Variants in VCPKMT observed in about 807,000 individuals in gnomAD.
The protein encoded by VCPKMT is protein N-lysine methyltransferase METTL21D.
VCPKMT carries 32 observed loss-of-function variants against 28.6 expected under a neutral mutation model. That is an observed-to-expected ratio of 1.12 (90% CI 0.84 to 1.50). VCPKMT has a LOEUF of 1.50. Ranked by LOEUF, VCPKMT falls within the 40% of genes most tolerant of loss-of-function variation. The probability of loss-of-function intolerance (pLI) is 0.00; values close to 1 mark genes in which losing one functional copy is unlikely to be tolerated. For missense variants in VCPKMT, 366 were observed against 285.0 expected, an observed-to-expected ratio of 1.28 and a Z score of -2.05; for synonymous variants, 138 against 111.4, an observed-to-expected ratio of 1.24 and a Z score of -1.50.
chr14:50,113,897 C>T (rs1311157281), intron 4 of VCPKMT, among the ~76,000 whole-genome samples: 1 of 146,118 alleles, frequency 6.8e-6, no homozygotes, highest in Non-Finnish European at 1.5e-5. Flanking sequence ...GCATGGGCTA[C>T]AGGGTGAAAC....
At chr14:50,112,477 A>G (rs540914336) in intron 5 of VCPKMT, 138 bp downstream of exon 5, 4 of 538,532 alleles carry the variant, frequency 7.4e-6, no homozygotes, top group Admixed American at 4.0e-5. Flanking sequence ...TTGACAATGA[A>G]GTTACTGCCT....
chr14:50,116,191 C>A lies in VCPKMT; in HGVS notation c.267-12G>T. 1.2e-6 allele frequency: 2 copies of A among 1,613,940 alleles called. No homozygotes were observed. The highest frequency in any genetic ancestry group is 1.7e-6 in the Non-Finnish European group (2 of 1,179,996). ...CTACAACATCAGCCCTATAAAATAA[C>A]GTCGACTGAGGTGTAGGCACAGGGG... On this transcript the variant is annotated splice_polypyrimidine_tract_variant and intron_variant, in intron 1 of 5. Transcript: ENST00000395860.
chr14:50,115,400 C>T (rs4536369), intron 3 of VCPKMT, among the ~76,000 whole-genome samples: 131,737 of 152,172 alleles, frequency 0.87, 57,125 homozygotes, highest in East Asian at 0.92. Context: ...GAGCCACCTG[C>T]CTTGACCTCC....
downstream of VCPKMT, among the ~76,000 whole-genome samples, chr14:50,105,351 C>G (rs77027208): frequency 0.011 from 1,666 of 152,272 alleles, 30 homozygotes; most frequent in African/African-American, 0.037. Flanking sequence ...ATAACCTAGG[C>G]CAGGTGCAGT....
At chr14:50,110,221 T>C (rs984152473) in intron 5 of VCPKMT, among the ~76,000 whole-genome samples, 2 of 152,194 alleles carry the variant, frequency 1.3e-5, no homozygotes, top group Admixed American at 1.3e-4. Flanking sequence ...CACTCCAGAC[T>C]GGGTGACAGT....
downstream of VCPKMT, chr14:50,106,519 A>G (rs1882326169): frequency 1.0e-6 from 1 of 981,060 alleles, no homozygotes; most frequent in Admixed American, 6.2e-5. Context: ...CCCTCAATTC[A>G]TGCATCATTT....
At chr14:50,116,260 A>G in intron 1 of VCPKMT, 27 bp downstream of exon 1, 1 of 1,607,472 alleles carries the variant, frequency 6.2e-7, no homozygotes, top group Non-Finnish European at 8.5e-7. Context: ...AGGCGCCCCC[A>G]CATCCCGCCC....
chr14:50,110,936 G>C (rs1882607959), intron 5 of VCPKMT, among the ~76,000 whole-genome samples: 1 of 152,026 alleles, frequency 6.6e-6, no homozygotes, highest in African/African-American at 2.4e-5. Context: ...TGTTACATAT[G>C]ACATGTGCAG....
chr14:50,110,392 C>T (rs1237032947), intron 5 of VCPKMT, among the ~76,000 whole-genome samples: 1 of 152,170 alleles, frequency 6.6e-6, no homozygotes, highest in Non-Finnish European at 1.5e-5. Context: ...GGAACTCTCA[C>T]AACTCAAAGT....
chr14:50,108,568 T>C, downstream of VCPKMT: 1 of 977,684 alleles, frequency 1.0e-6, no homozygotes, highest in South Asian at 4.7e-5. Context: ...ATAGGGCTGC[T>C]TTTGCTCCTG....
At chr14:50,110,550 T>C (rs1450014111) in intron 5 of VCPKMT, among the ~76,000 whole-genome samples, 1 of 152,160 alleles carries the variant, frequency 6.6e-6, no homozygotes, top group African/African-American at 2.4e-5. Context: ...TTAACAAATG[T>C]TGGTAAAAAT....
intron 5 of VCPKMT, chr14:50,111,790 G>T: frequency 1.5e-6 from 1 of 657,114 alleles, no homozygotes; most frequent in Non-Finnish European, 1.9e-6. Flanking sequence ...GGAGGCTGAG[G>T]TGGGAGGATC....
downstream of VCPKMT, chr14:50,106,545 T>G (rs1261769637): frequency 1.0e-6 from 1 of 985,030 alleles, no homozygotes; most frequent in Non-Finnish European, 1.2e-6. Context: ...GCTGGCAGAG[T>G]GCATCTTCAA....
downstream of VCPKMT, among the ~76,000 whole-genome samples, chr14:50,104,302 A>G (rs1039137347): frequency 1.3e-5 from 2 of 152,232 alleles, no homozygotes; most frequent in African/African-American, 4.8e-5. Context: ...ACAGAACTTC[A>G]CCAACACATA....
rs1227548487 is a variant in VCPKMT, at chr14:50,109,733, A to C, written c.676-20T>G. The C allele has an allele frequency of 3.1e-6, 5 of 1,593,892 alleles. No individual in the cohort carries two copies. The Admixed American group carries it at 8.7e-5, about 28-fold the overall frequency. On this transcript the variant is annotated intron_variant, in intron 5 of 5. Coordinates refer to ENST00000395860, the MANE Select transcript of VCPKMT (RefSeq NM_024558.3). ...AAATTTCTATAACAAAAAAAAAGGA[A>C]ACTTAAAAGATTGATTTACCACAAA... is the stretch of plus-strand genomic sequence containing the variant.
At chr14:50,111,888 C>CA (rs954555749) in intron 5 of VCPKMT, 426 of 924,294 alleles carry the variant, frequency 4.6e-4, no homozygotes, top group Middle Eastern at 2.3e-3. Flanking sequence ...GACCCTATTT[C>CA]AAAAAAAAAA....
Position 50,109,730 on chromosome 14 carries a change from G to A in VCPKMT, c.676-17C>T, listed in dbSNP as rs1281402332. 6.3e-7 allele frequency: 1 copy of A among 1,593,346 alleles called. No individual in the cohort carries two copies. The highest frequency in any genetic ancestry group is 1.1e-5 in the South Asian group (1 of 87,654). On this transcript the variant is annotated splice_polypyrimidine_tract_variant and intron_variant, in intron 5 of 5. Coordinates refer to ENST00000395860, the MANE Select transcript of VCPKMT (RefSeq NM_024558.3). ...TGGAAATTTCTATAACAAAAAAAAA[G>A]GAAACTTAAAAGATTGATTTACCAC...
chr14:50,111,146 T>C (rs1882623594), intron 5 of VCPKMT: 1 of 953,218 alleles, frequency 1.0e-6, no homozygotes, highest in African/African-American at 1.8e-5. Context: ...GTATGTGAGT[T>C]ACATCAACTA....
chr14:50,108,126 T>C (rs1882399030), downstream of VCPKMT, among the ~76,000 whole-genome samples: 1 of 145,870 alleles, frequency 6.9e-6, no homozygotes, highest in Non-Finnish European at 1.5e-5. Context: ...GAAGAGTAGG[T>C]TGCAGTGAGC....
Sources: allele counts gnomAD v4.1 joint callset (sites outside exome capture counted in the v4.1 genomes callset), GRCh38; gene constraint gnomAD v4.1.1; transcripts MANE v1.5; gene names NCBI Gene and HGNC (gene_info 2026-07-23, HGNC 2026-07-21).